Variants in TOR1AIP1 observed in about 807,000 individuals in gnomAD.
The protein encoded by TOR1AIP1 is torsin-1A-interacting protein 1.
Under a neutral mutation model 63.3 loss-of-function variants are expected in TOR1AIP1, and 54 were observed. The ratio of observed to expected loss-of-function variants is 0.85; its 90% CI spans 0.69 to 1.07. The LOEUF (loss-of-function observed/expected upper bound fraction) is 1.07. TOR1AIP1 is among the 50% of genes least tolerant of loss of function. The pLI is 0.00. For missense variants in TOR1AIP1, 736 were observed against 715.0 expected, an observed-to-expected ratio of 1.03 and a Z score of -0.33; for synonymous variants, 294 against 273.5, an observed-to-expected ratio of 1.07 and a Z score of -0.74.
chr1:179,912,895 A>G (rs1369129882), intron 8 of TOR1AIP1, among the ~76,000 whole-genome samples: 3 of 152,196 alleles, frequency 2.0e-5, no homozygotes, highest in Non-Finnish European at 4.4e-5. Context: ...TATAACGCTA[A>G]GAAGATCCAC....
intron 3 of TOR1AIP1, among the ~76,000 whole-genome samples, chr1:179,895,780 G>T (rs984296780): frequency 6.6e-6 from 1 of 152,050 alleles, no homozygotes; most frequent in Non-Finnish European, 1.5e-5. Context: ...CAAGCCTGTA[G>T]TCCCAGCTAC....
chr1:179,885,729 A>T (rs1463236122), intron 2 of TOR1AIP1, among the ~76,000 whole-genome samples: 3 of 152,060 alleles, frequency 2.0e-5, no homozygotes, highest in African/African-American at 2.4e-5. Flanking sequence ...AAACACCTTC[A>T]TGCTAATTTT....
At chr1:179,899,225 A>G (rs1057470441) in intron 3 of TOR1AIP1, among the ~76,000 whole-genome samples, 5 of 151,520 alleles carry the variant, frequency 3.3e-5, no homozygotes, top group East Asian at 3.9e-4. Context: ...TTTTAACCCA[A>G]TTGTGAAATA....
chr1:179,917,750 A>T lies in TOR1AIP1; in HGVS notation c.1263A>T (p.Ala421=). 1 of 1,614,230 alleles carries T rather than the reference A, an allele frequency of 6.2e-7. No individual in the cohort carries two copies. ...CTGCTGCCCGAGATGCTGAAGAAGC[A>T]CTTAGGTGTCTGAGTGAACAAATTG... ...LLTAARDAEE[A]LRCLSEQIAD... Residue 421 remains alanine, a synonymous_variant, in exon 10 of 10, where the codon GCA becomes GCT. Coordinates refer to ENST00000606911, the MANE Select transcript of TOR1AIP1 (RefSeq NM_015602.4).
At chr1:179,889,640 T>C (rs949439572) in intron 3 of TOR1AIP1, among the ~76,000 whole-genome samples, 12 of 144,838 alleles carry the variant, frequency 8.3e-5, no homozygotes, top group African/African-American at 3.0e-4. Context: ...CTTTATAAAC[T>C]CTCATTTCTG....
At chr1:179,891,209 C>T (rs1305415294) in intron 3 of TOR1AIP1, among the ~76,000 whole-genome samples, 1 of 151,872 alleles carries the variant, frequency 6.6e-6, no homozygotes, top group East Asian at 1.9e-4. Context: ...TAAGGTTTTT[C>T]TCTTGATTTA....
intron 8 of TOR1AIP1, among the ~76,000 whole-genome samples, chr1:179,910,299 CTTACTT>C (rs1558046012): frequency 6.6e-6 from 1 of 152,180 alleles, no homozygotes; most frequent in Non-Finnish European, 1.5e-5. Context: ...CAGGTATTCT[CTTACTT>C]TTATTTAGGT....
At chr1:179,887,017 G>A (rs1157293207) in intron 2 of TOR1AIP1, among the ~76,000 whole-genome samples, 1 of 152,228 alleles carries the variant, frequency 6.6e-6, no homozygotes, top group Non-Finnish European at 1.5e-5. Context: ...TAGACATTCA[G>A]TTTAACTTTG....
chr1:179,882,586 A>G lies in TOR1AIP1; in HGVS notation c.84A>G (p.Gly28=), dbSNP rs1571718637. Reference sequence around the variant, plus strand: ...CCCCCAGGGCCCCCATCCGAGAGGGAAGGGGCCGGCTCGCCCCTCAAAATG... The same window carrying G: ...CCCCCAGGGCCCCCATCCGAGAGGGGAGGGGCCGGCTCGCCCCTCAAAATG... ...YVTPRAPIRE[G]RGRLAPQNGG... is the part of the protein sequence containing the mutation. The change falls in exon 1 of 10, where the codon GGA becomes GGG. Residue 28 remains glycine, a synonymous_variant. Coordinates refer to ENST00000606911, the MANE Select transcript of TOR1AIP1 (RefSeq NM_015602.4). 1 of 1,521,114 alleles carries G rather than the reference A, an allele frequency of 6.6e-7. No individual in the cohort carries two copies. Among genetic ancestry groups the G allele is most frequent in the Non-Finnish European group, 8.8e-7 (1 of 1,137,484 alleles). 94.2% of individuals were successfully genotyped at this position (1,521,114 alleles called of 1,614,324 possible).
intron 3 of TOR1AIP1, among the ~76,000 whole-genome samples, chr1:179,892,737 C>A (rs1030421709): frequency 1.4e-3 from 153 of 110,878 alleles, no homozygotes; most frequent in African/African-American, 3.7e-3. Context: ...GACTCCGTCT[C>A]AAAAAAAAAA....
chr1:179,897,699 G>T (rs1648330239), intron 3 of TOR1AIP1, among the ~76,000 whole-genome samples: 1 of 152,060 alleles, frequency 6.6e-6, no homozygotes, highest in Non-Finnish European at 1.5e-5. Context: ...AAATATAAAT[G>T]GGACCTTAGT....
intron 3 of TOR1AIP1, among the ~76,000 whole-genome samples, chr1:179,892,096 G>A (rs997330812): frequency 1.3e-5 from 2 of 152,098 alleles, no homozygotes; most frequent in African/African-American, 4.8e-5. Flanking sequence ...AAAGGGAAAC[G>A]CTTCATTTTT....
rs1648720802 is a variant in TOR1AIP1 at position 179,908,470 on chromosome 1, A to C, written c.839-135A>C. 8 of 695,226 alleles carry C rather than the reference A, an allele frequency of 1.2e-5. No homozygotes were observed. The South Asian group carries it at 1.6e-4, about 14-fold the overall frequency. The allele number at this position is 695,226 out of a possible 1,614,324, so 43.1% of individuals were successfully genotyped here. A position where few individuals can be genotyped will look rare whatever the true frequency, so the allele number is the denominator to read the frequency against. On this transcript the variant is annotated intron_variant, in intron 7 of 9. Transcript: ENST00000606911. ...GATCCTTTGAAATTATCTTTTACTT[A>C]TAAAACTATTGCTTTTATTGTTTTC...
intron 7 of TOR1AIP1, among the ~76,000 whole-genome samples, 171 bp downstream of exon 7, chr1:179,908,035 A>G (rs573157334): frequency 1.4e-5 from 2 of 147,280 alleles, no homozygotes; most frequent in African/African-American, 5.0e-5. Flanking sequence ...CCGCCTCCCA[A>G]GTAGCTGGGA....
At chr1:179,916,340 T>C (rs1184502300) in intron 9 of TOR1AIP1, among the ~76,000 whole-genome samples, 5 of 152,048 alleles carry the variant, frequency 3.3e-5, no homozygotes, top group Non-Finnish European at 7.4e-5. Context: ...TGGACCCCCC[T>C]CCCCACAAAA....
intron 6 of TOR1AIP1, among the ~76,000 whole-genome samples, chr1:179,906,014 A>C (rs917221137): frequency 6.6e-6 from 1 of 152,160 alleles, no homozygotes; most frequent in Admixed American, 6.5e-5. Context: ...CCTAATGAAA[A>C]GTTGATCAAG....
At chr1:179,917,015 C>G (rs977285169) in intron 9 of TOR1AIP1, among the ~76,000 whole-genome samples, 1 of 152,076 alleles carries the variant, frequency 6.6e-6, no homozygotes, top group African/African-American at 2.4e-5. Context: ...CCTTTATGTA[C>G]TTCAGAAATA....
chr1:179,910,109 A>G (rs1648784771), intron 8 of TOR1AIP1, among the ~76,000 whole-genome samples: 1 of 152,194 alleles, frequency 6.6e-6, no homozygotes, highest in Admixed American at 6.5e-5. Flanking sequence ...AATTTAAGGA[A>G]TACTATAAAT....
At chr1:179,898,697 G>C (rs1036111095) in intron 3 of TOR1AIP1, among the ~76,000 whole-genome samples, 4 of 151,996 alleles carry the variant, frequency 2.6e-5, no homozygotes, top group Non-Finnish European at 5.9e-5. Context: ...AGACCAGCCT[G>C]GTCATGATGT....
Sources: gnomAD v4.1 joint callset for allele counts (sites outside exome capture counted in the v4.1 genomes callset) on GRCh38, gnomAD v4.1.1 for gene constraint, MANE v1.5 for transcripts, NCBI Gene and HGNC (gene_info 2026-07-23, HGNC 2026-07-21) for gene names.